ABCC4: variants seen among roughly 807,000 people sequenced by gnomAD.
ABCC4 encodes ATP binding cassette subfamily C member 4 (PEL blood group).
A neutral mutation model predicts 168.5 loss-of-function variants in ABCC4; 102 were observed. The observed-to-expected ratio is 0.61, with a 90% CI of 0.52 to 0.71. The LOEUF (loss-of-function observed/expected upper bound fraction) is 0.71, where lower values mean the gene tolerates loss of function less well. ABCC4 is among the 30% of genes least tolerant of loss of function. ABCC4 has a pLI of 0.00. For synonymous variants in ABCC4, 617 were observed against 590.7 expected, an observed-to-expected ratio of 1.04 and a Z score of -0.65; for missense variants, 1,402 against 1,605.8, an observed-to-expected ratio of 0.87 and a Z score of 2.17.
chr13:95,080,389 TTTTTG>T (rs71774292), intron 21 of ABCC4, among the ~76,000 whole-genome samples: 127,319 of 150,868 alleles, frequency 0.84, 55,388 homozygotes, highest in Non-Finnish European at 0.95. Flanking sequence ...TTGTTTTTGT[TTTTTG>T]TTTTGTTTTG....
intron 20 of ABCC4, among the ~76,000 whole-genome samples, chr13:95,109,465 A>AAGAGAGATT (rs1233921672): frequency 6.6e-6 from 1 of 152,184 alleles, no homozygotes; most frequent in East Asian, 1.9e-4. Flanking sequence ...CCAAAAGTTA[A>AAGAGAGATT]AGAGAGATTA....
intron 3 of ABCC4, among the ~76,000 whole-genome samples, chr13:95,237,242 T>A (rs2039799869): frequency 6.6e-6 from 1 of 152,216 alleles, no homozygotes; most frequent in African/African-American, 2.4e-5. Context: ...GTCAAGCAAA[T>A]GGGCTCATTG....
rs199887892 is a variant in ABCC4, at chr13:95,239,763, T to TA, written c.307-4930dup. Among the ~76,000 whole-genome samples the TA allele has an allele frequency of 3.4e-5, 5 of 144,974 alleles. No homozygotes were observed. In the East Asian group the frequency reaches 6.6e-4, roughly 19 times the overall value. ...CACTCATTATTTTGAAAATCGGTTT[T>TA]AAAAAAAAATAACAAAATTAATCAT... On this transcript the variant is annotated intron_variant, in intron 3 of 30. Coordinates refer to ENST00000645237, the MANE Select transcript of ABCC4 (RefSeq NM_005845.5).
intron 19 of ABCC4, among the ~76,000 whole-genome samples, chr13:95,149,807 A>G (rs575292717): frequency 2.0e-5 from 3 of 152,246 alleles, no homozygotes; most frequent in Non-Finnish European, 2.9e-5. Flanking sequence ...CAACTCCCAA[A>G]ATCTCTGAAC....
chr13:95,165,952 C>A (rs957036326), intron 15 of ABCC4, among the ~76,000 whole-genome samples: 1 of 152,170 alleles, frequency 6.6e-6, no homozygotes, highest in Admixed American at 6.5e-5. Flanking sequence ...CCTTGACATT[C>A]CCCAGCCTAC....
At chr13:95,213,595 G>A (rs2039023462) in intron 4 of ABCC4, among the ~76,000 whole-genome samples, 1 of 144,874 alleles carries the variant, frequency 6.9e-6, no homozygotes, top group African/African-American at 2.6e-5. Context: ...TGCAGTAGGA[G>A]ATGCCGCCCG....
chr13:95,205,487 A>C (rs1052552014), intron 8 of ABCC4, among the ~76,000 whole-genome samples: 3 of 152,272 alleles, frequency 2.0e-5, no homozygotes, highest in African/African-American at 7.2e-5. Flanking sequence ...GTTCTTGCCA[A>C]GCCCTCTCAC....
At chr13:95,163,264 GATAA>G in intron 17 of ABCC4, 48 bp from the exon 18 acceptor site, 1 of 1,276,518 alleles carries the variant, frequency 7.8e-7, no homozygotes, top group African/African-American at 1.5e-5. Context: ...ATGAAATTTA[GATAA>G]ATACATTTTT....
chr13:95,284,103 G>C (rs1053942112), intron 1 of ABCC4, among the ~76,000 whole-genome samples: 8 of 152,196 alleles, frequency 5.3e-5, no homozygotes, highest in Admixed American at 1.3e-4. Flanking sequence ...CAGCTACTGG[G>C]GAGGCTGAGG....
rs1326106050 is a variant in ABCC4 at position 95,151,663 on chromosome 13, C to T, written c.2455+9526G>A. ...AAGGAGAAGAAGGAGAAGAAATCAT[C>T]ATCATCATCATCCACTGTCGGCAAC... On this transcript the variant is annotated intron_variant, in intron 19 of 30. Coordinates refer to ENST00000645237, the MANE Select transcript of ABCC4 (RefSeq NM_005845.5). 5.3e-5 allele frequency among the ~76,000 whole-genome samples: 8 copies of T among 151,324 alleles called. No individual in the cohort carries two copies. The South Asian group carries it at 1.7e-3, about 31-fold the overall frequency.
intron 19 of ABCC4, among the ~76,000 whole-genome samples, chr13:95,122,492 T>A (rs1271586629): frequency 1.3e-5 from 2 of 152,212 alleles, no homozygotes; most frequent in East Asian, 3.8e-4. Flanking sequence ...CTCATTTACA[T>A]CCTTATTTAT....
At chr13:95,031,508 A>G (rs1204619725) in intron 30 of ABCC4, among the ~76,000 whole-genome samples, 1 of 152,228 alleles carries the variant, frequency 6.6e-6, no homozygotes. Flanking sequence ...ATACAGTAAG[A>G]CTTACAGACT....
At chr13:95,071,949 G>T in intron 24 of ABCC4, 96 bp from the exon 25 acceptor site, 1 of 1,013,382 alleles carries the variant, frequency 9.9e-7, no homozygotes, top group Non-Finnish European at 1.4e-6. Flanking sequence ...TTCATACATA[G>T]TTGGTTAAGG....
At chr13:95,061,733 A>G (rs1340250798) in intron 26 of ABCC4, among the ~76,000 whole-genome samples, 2 of 151,886 alleles carry the variant, frequency 1.3e-5, no homozygotes, top group Non-Finnish European at 2.9e-5. Flanking sequence ...CTGGAGTTGA[A>G]TATGTGGAGG....
At chr13:95,215,914 G>C (rs1387910268) in intron 4 of ABCC4, among the ~76,000 whole-genome samples, 1 of 151,578 alleles carries the variant, frequency 6.6e-6, no homozygotes, top group Non-Finnish European at 1.5e-5. Flanking sequence ...CAACACCAAA[G>C]AAACAAACAA....
chr13:95,249,289 A>G (rs1351259175), intron 1 of ABCC4, among the ~76,000 whole-genome samples: 1 of 151,706 alleles, frequency 6.6e-6, no homozygotes, highest in Non-Finnish European at 1.5e-5. Flanking sequence ...GATAGATGCA[A>G]TTACTCAATT....
At chr13:95,150,341 T>C (rs1424815409) in intron 19 of ABCC4, among the ~76,000 whole-genome samples, 1 of 152,206 alleles carries the variant, frequency 6.6e-6, no homozygotes. Context: ...GCTTTCCAGG[T>C]GTTCAAGAGG....
intron 1 of ABCC4, among the ~76,000 whole-genome samples, chr13:95,298,521 TC>T (rs2041595536): frequency 6.6e-6 from 1 of 152,068 alleles, no homozygotes; most frequent in South Asian, 2.1e-4. Context: ...TCTTAGAATC[TC>T]CCAAGTGATG....
At chr13:95,159,132 T>TATATA (rs1486901839) in intron 19 of ABCC4, among the ~76,000 whole-genome samples, 17 of 124,392 alleles carry the variant, frequency 1.4e-4, no homozygotes, top group Non-Finnish European at 1.8e-4. Flanking sequence ...TATATATATA[T>TATATA]AACTATTGAA....
Sources: allele counts gnomAD v4.1 joint callset (sites outside exome capture counted in the v4.1 genomes callset), GRCh38; gene constraint gnomAD v4.1.1; transcripts MANE v1.5; gene names NCBI Gene and HGNC (gene_info 2026-07-23, HGNC 2026-07-21).